Variants in THRB observed in about 807,000 individuals in gnomAD.
THRB encodes the protein thyroid hormone receptor beta.
A neutral mutation model predicts 47.8 loss-of-function variants in THRB; 12 were observed. The observed-to-expected ratio is 0.25, with a 90% confidence interval of 0.16 to 0.41. The LOEUF is 0.41. Among genes scored for constraint, THRB ranks in the 10% least tolerant of loss-of-function variants. The probability of loss-of-function intolerance (pLI) is 1.00; values close to 1 mark genes in which losing one functional copy is unlikely to be tolerated. For synonymous variants in THRB, 218 were observed against 212.2 expected, an observed-to-expected ratio of 1.03 and a Z score of -0.24; for missense variants, 348 against 589.2, an observed-to-expected ratio of 0.59 and a Z score of 4.24.
At chr3:24,232,902 C>T (rs2048392032) in intron 3 of THRB, among the ~76,000 whole-genome samples, 1 of 152,174 alleles carries the variant, frequency 6.6e-6, no homozygotes, top group African/African-American at 2.4e-5. Context: ...AGATTGGAGG[C>T]TCTCTGCCCT....
At chr3:24,329,258 T>G (rs1027122950) in intron 2 of THRB, among the ~76,000 whole-genome samples, 5 of 152,230 alleles carry the variant, frequency 3.3e-5, no homozygotes, top group Non-Finnish European at 7.3e-5. Flanking sequence ...CCTGAATTCT[T>G]AAACTCCATC....
chr3:24,381,818 A>G (rs552960194), intron 1 of THRB, among the ~76,000 whole-genome samples: 1 of 152,262 alleles, frequency 6.6e-6, no homozygotes, highest in African/African-American at 2.4e-5. Flanking sequence ...TCTCAGAGAA[A>G]ACAAAAAGGT....
chr3:24,133,571 T>C (rs1324050003), intron 8 of THRB, 109 bp from the exon 9 acceptor site: 3 of 991,284 alleles, frequency 3.0e-6, no homozygotes, highest in East Asian at 2.5e-5. Flanking sequence ...CCTGTACAGT[T>C]TCCAGTTTTC....
chr3:24,494,824 G>T lies in THRB; in HGVS notation c.-433C>A, dbSNP rs970481229. ...TTCATGCAAAGTTAATCCCCGCCGC[G>T]TCACGGCCGCCCGCCCGAGGATGTG... On this transcript the variant is annotated 5_prime_UTR_variant, in exon 1 of 11. Coordinates refer to ENST00000646209, the MANE Select transcript of THRB (RefSeq NM_001354712.2). The T allele has an allele frequency of 1.3e-5, 2 of 151,238 alleles. No homozygotes were observed. The highest frequency in any genetic ancestry group is 4.9e-5 in the African/African-American group (2 of 41,008). 9.4% of individuals were successfully genotyped at this position (151,238 alleles called of 1,614,324 possible). A position where few individuals can be genotyped will look rare whatever the true frequency, so the allele number is the denominator to read the frequency against.
At chr3:24,356,192 A>G (rs1246258113) in intron 1 of THRB, among the ~76,000 whole-genome samples, 1 of 152,144 alleles carries the variant, frequency 6.6e-6, no homozygotes, top group Non-Finnish European at 1.5e-5. Context: ...ATCAGACTTT[A>G]GGATTGAGAA....
chr3:24,249,393 T>C (rs2050429222), intron 3 of THRB, among the ~76,000 whole-genome samples: 1 of 152,118 alleles, frequency 6.6e-6, no homozygotes, highest in South Asian at 2.1e-4. Flanking sequence ...TACTTTAAGG[T>C]GATAATTATT....
intron 4 of THRB, among the ~76,000 whole-genome samples, chr3:24,197,564 A>G (rs1349795311): frequency 6.6e-6 from 1 of 152,166 alleles, no homozygotes; most frequent in Admixed American, 6.5e-5. Flanking sequence ...TCCATCTCTT[A>G]ATCTCCACAG....
chr3:24,458,793 C>T (rs1308080288), intron 1 of THRB: 1 of 152,022 alleles, frequency 6.6e-6, no homozygotes, highest in African/African-American at 2.4e-5. Flanking sequence ...AGTCACATTA[C>T]AGAAAAGATA....
chr3:24,242,622 C>T (rs1377612773), intron 3 of THRB, among the ~76,000 whole-genome samples: 2 of 152,164 alleles, frequency 1.3e-5, no homozygotes, highest in Non-Finnish European at 2.9e-5. Context: ...TGCACAATGC[C>T]TGGCACACTG....
At chr3:24,389,113 T>C (rs552872431) in intron 1 of THRB, among the ~76,000 whole-genome samples, 3 of 152,292 alleles carry the variant, frequency 2.0e-5, no homozygotes, top group East Asian at 1.9e-4. Context: ...AGCTGATCTC[T>C]CCTTCGCAGA....
At chr3:24,344,980 G>A (rs2062917146) in intron 1 of THRB, among the ~76,000 whole-genome samples, 2 of 149,514 alleles carry the variant, frequency 1.3e-5, no homozygotes, top group Admixed American at 6.7e-5. Flanking sequence ...CTTAGCAGGG[G>A]AAAAAAAAAA....
chr3:24,277,845 G>A (rs1407449794), intron 3 of THRB, among the ~76,000 whole-genome samples: 1 of 152,170 alleles, frequency 6.6e-6, no homozygotes, highest in African/African-American at 2.4e-5. Context: ...CAGTCTCTAA[G>A]ATTCAAGCTT....
intron 1 of THRB, among the ~76,000 whole-genome samples, chr3:24,436,022 G>A (rs2070908353): frequency 6.6e-6 from 1 of 152,260 alleles, no homozygotes; most frequent in East Asian, 1.9e-4. Flanking sequence ...GGGATTGGGA[G>A]AGAATTAAAA....
At chr3:24,166,630 G>C (rs2149303464) in intron 5 of THRB, among the ~76,000 whole-genome samples, 1 of 152,262 alleles carries the variant, frequency 6.6e-6, no homozygotes, top group Admixed American at 6.5e-5. Flanking sequence ...ATGCATAGTT[G>C]TAGATCATGA....
At chr3:24,293,484 A>G (rs564888064) in intron 3 of THRB, among the ~76,000 whole-genome samples, 15 of 152,356 alleles carry the variant, frequency 9.8e-5, no homozygotes, top group African/African-American at 3.4e-4. Flanking sequence ...AAAGAAGACA[A>G]TATTGCAAAA....
At chr3:24,492,047 A>C (rs1003654022) in intron 1 of THRB, among the ~76,000 whole-genome samples, 4 of 152,254 alleles carry the variant, frequency 2.6e-5, no homozygotes, top group Non-Finnish European at 4.4e-5. Flanking sequence ...GAATGTGTGC[A>C]ACACACACAT....
At chr3:24,331,180 G>A (rs749011816) in intron 2 of THRB, among the ~76,000 whole-genome samples, 4 of 151,948 alleles carry the variant, frequency 2.6e-5, no homozygotes, top group Admixed American at 1.3e-4. Context: ...TGACTTGAGC[G>A]TTAATTTCTT....
chr3:24,183,368 C>CTTTTTTTTTTTTTTTTTTTTTTT (rs1193344905), intron 5 of THRB, among the ~76,000 whole-genome samples: 4 of 84,272 alleles, frequency 4.7e-5, no homozygotes, highest in Admixed American at 1.5e-4. Flanking sequence ...TTTTTCTTTT[C>CTTTTTTTTTTTTTTTTTTTTTTT]TTTTTTTTTT....
At chr3:24,486,310 A>C (rs1697285748) in intron 1 of THRB, 1 of 151,970 alleles carries the variant, frequency 6.6e-6, no homozygotes, top group South Asian at 2.1e-4. Context: ...ACACTAAATC[A>C]CCTCCTGTAG....
Sources: allele counts gnomAD v4.1 joint callset (sites outside exome capture counted in the v4.1 genomes callset), GRCh38; gene constraint gnomAD v4.1.1; transcripts MANE v1.5; gene names NCBI Gene and HGNC (gene_info 2026-07-23, HGNC 2026-07-21).